MOV10: variants seen among roughly 807,000 people sequenced by gnomAD.
The protein encoded by MOV10 is RNA helicase MOV-10.
Under a neutral mutation model 108.4 loss-of-function variants are expected in MOV10, and 39 were observed. That is an observed-to-expected ratio of 0.36 (90% CI 0.28 to 0.47). The LOEUF (loss-of-function observed/expected upper bound fraction) is 0.47, where lower values mean the gene tolerates loss of function less well. MOV10 is among the 20% of genes least tolerant of loss of function. MOV10 has a pLI of 1.00. For missense variants in MOV10, 952 were observed against 1,297.6 expected (o/e 0.73, Z 4.09); for synonymous variants, 490 against 523.1 (o/e 0.94, Z 0.86).
Position 112,696,876 on chromosome 1 carries a change from T to TA in MOV10, c.2198+31dup, listed in dbSNP as rs1293553223. The TA allele has an allele frequency of 2.0e-6, 3 of 1,534,810 alleles. No individual in the cohort carries two copies. The African/African-American group carries it at 4.1e-5, about 21-fold the overall frequency. On this transcript the variant is annotated intron_variant, in intron 14 of 20. Transcript: ENST00000369645. Reference sequence around the variant, plus strand: ...TCCCATGCCCTTGCCTCCCCTGCCATATCCTATGCTTTCACATCCTGCATG... The same window carrying TA: ...TCCCATGCCCTTGCCTCCCCTGCCATAATCCTATGCTTTCACATCCTGCATG...
chr1:112,698,325 T>C lies in MOV10; in HGVS notation c.2355T>C (p.Asp785=). 6.2e-7 allele frequency: 1 copy of C among 1,614,164 alleles called. No individual in the cohort carries two copies. Among genetic ancestry groups the C allele is most frequent in the Non-Finnish European group, 8.5e-7 (1 of 1,180,012 alleles). The stretch of plus-strand genomic sequence containing the variant: ...TCTTTCACGGCGTAATGGGCAAAGA[T>C]GAGCGTGAAGGCAACAGCCCATCCT... The part of the protein sequence containing the change: ...PIIFHGVMGK[D]EREGNSPSFF... Residue 785 remains aspartate (D), a synonymous_variant, in exon 16 of 21, where the codon GAT becomes GAC. Coordinates refer to ENST00000369645, the MANE Select transcript of MOV10 (RefSeq NM_001321324.2).
chr1:112,675,463 G>T lies in MOV10; in HGVS notation c.137+414G>T, dbSNP rs1199386171. On this transcript the variant is annotated intron_variant, in intron 2 of 20. Transcript: ENST00000369645. This position sits in a 1 kb window ranked among gnomAD's most constrained non-coding sequence, Gnocchi z 4.7. ...TTAGAGGCTGCCTGTTGGGGGCTGC[G>T]AGCCCGAGCGCGGGCTTTACAGGGA... Among the ~76,000 whole-genome samples the T allele has an allele frequency of 6.6e-6, 1 of 152,234 alleles. No homozygotes were observed. Among genetic ancestry groups the T allele is most frequent in the Admixed American group, 6.5e-5 (1 of 15,290 alleles).
In MOV10 at chr1:112,694,743, T is replaced by G. The variant is rs1453725967; in HGVS notation, c.1473-6T>G. ...TTCAAGTTCACATTCCTGGTCCCTC[T>G]GCCAGGCTGTACGACCGGAGTCTGG... On this transcript the variant is annotated splice_polypyrimidine_tract_variant and splice_region_variant and intron_variant, in intron 9 of 20. Coordinates refer to ENST00000369645, the MANE Select transcript of MOV10 (RefSeq NM_001321324.2). The surrounding 1 kb of genome is among the most constrained non-coding windows in gnomAD (Gnocchi z 4.1). 6.2e-7 allele frequency: 1 copy of G among 1,613,812 alleles called. No homozygotes were observed. Among genetic ancestry groups the G allele is most frequent in the Non-Finnish European group, 8.5e-7 (1 of 1,179,786 alleles).
intron 17 of MOV10, chr1:112,699,049 G>A: frequency 2.1e-6 from 1 of 478,402 alleles, no homozygotes; most frequent in Non-Finnish European, 3.7e-6. Context: ...CTGCCCTAAG[G>A]ATAAAGTCCA....
At position 112,694,960 on chromosome 1, in the gene MOV10, C is replaced by T. The variant is rs890869947; in HGVS notation, c.1620+64C>T. On this transcript the variant is annotated intron_variant, in intron 10 of 20. Transcript: ENST00000369645. The surrounding 1 kb of genome is among the most constrained non-coding windows in gnomAD (Gnocchi z 4.1). The stretch of plus-strand genomic sequence containing the variant: ...TCCCCCAGCACCAAGCAGTTGTCCC[C>T]AGATTCTAGTTCCTTCCCACTCCCG... 1.3e-6 allele frequency: 2 copies of T among 1,534,518 alleles called. No homozygotes were observed. Among genetic ancestry groups the T allele is most frequent in the African/African-American group, 1.4e-5 (1 of 72,468 alleles).
At chr1:112,698,893 C>T in intron 17 of MOV10, 104 bp downstream of exon 17, 1 of 948,732 alleles carries the variant, frequency 1.1e-6, no homozygotes, top group Admixed American at 1.7e-5. Flanking sequence ...CCCCGTCCCA[C>T]CCCTGCTGCC....
chr1:112,698,039 A>T lies in MOV10; in HGVS notation c.2244A>T (p.Glu748Asp). The T allele has an allele frequency of 6.2e-7, 1 of 1,614,166 alleles. No homozygotes were observed. The highest frequency in any genetic ancestry group is 8.5e-7 in the Non-Finnish European group (1 of 1,180,010). The change falls in exon 15 of 21, where the codon GAA becomes GAT. Residue 748 changes from glutamate to aspartate, a missense_variant. Physicochemically the swap from Glu to Asp is conservative, Grantham distance 45. Around this residue, in one of 5 missense-constraint regions of MOV10, gnomAD observed 453 missense variants for 611.5 expected, o/e 0.74. Transcript: ENST00000369645. The part of the protein sequence containing the change: ...ILDIPNQLYY[E>D]GELQACADVV... Reference sequence around the variant, plus strand: ...ACATTCCTAACCAGCTCTATTATGAAGGGGAGCTGCAGGCCTGTGCTGATG... The same window carrying T: ...ACATTCCTAACCAGCTCTATTATGATGGGGAGCTGCAGGCCTGTGCTGATG...
At position 112,688,493 on chromosome 1, in the gene MOV10, G is replaced by T. The variant is rs912786959; in HGVS notation, c.138-442G>T. On this transcript the variant is annotated intron_variant, in intron 2 of 20. Transcript: ENST00000369645. Reference sequence around the variant, plus strand: ...TGATCCCTTCTCTCCTCACCAACAGGCTGGACCCCACATCCACCCCTCTGA... The same window carrying T: ...TGATCCCTTCTCTCCTCACCAACAGTCTGGACCCCACATCCACCCCTCTGA... 13 of 1,069,472 alleles carry T rather than the reference G, an allele frequency of 1.2e-5. No homozygotes were observed. The African/African-American group carries it at 1.7e-4, about 14-fold the overall frequency. The allele number at this position is 1,069,472 out of a possible 1,614,324, so 66.2% of individuals were successfully genotyped here.
rs1674097616 is a variant in MOV10, at chr1:112,696,459, A to G, written c.1906A>G (p.Ile636Val). 1 of 1,614,078 alleles carries G rather than the reference A, an allele frequency of 6.2e-7. No homozygotes were observed. The highest frequency in any genetic ancestry group is 8.5e-7 in the Non-Finnish European group (1 of 1,179,980). The change falls in exon 13 of 21, where the codon ATT (isoleucine) becomes GTT (valine). Residue 636 changes from isoleucine (I) to valine (V), a missense_variant. Coordinates refer to ENST00000369645, the MANE Select transcript of MOV10 (RefSeq NM_001321324.2). Reference sequence around the variant, plus strand: ...CAGGTTGGTCTCGGCCCAGTTTCCCATTGATCACTTCACACACATCTTCAT... The same window carrying G: ...CAGGTTGGTCTCGGCCCAGTTTCCCGTTGATCACTTCACACACATCTTCAT... ...AGRLVSAQFP[I>V]DHFTHIFIDE...
At position 112,700,714 on chromosome 1, in the gene MOV10, A is replaced by G; in HGVS notation, c.*207A>G. On this transcript the variant is annotated 3_prime_UTR_variant, in exon 21 of 21. Transcript: ENST00000369645. The stretch of plus-strand genomic sequence containing the variant: ...GGGAAGGGGAAGGAAGAAAACTCTG[A>G]AAACAAAATCTTGTTCTATGCAAAA... 6.6e-7 allele frequency: 1 copy of G among 1,520,904 alleles called. No homozygotes were observed. Among genetic ancestry groups the G allele is most frequent in the Non-Finnish European group, 8.8e-7 (1 of 1,141,304 alleles). The allele number at this position is 1,520,904 out of a possible 1,614,324, so 94.2% of individuals were successfully genotyped here.
chr1:112,688,962 C>A lies in MOV10; in HGVS notation c.165C>A (p.Ser55=). 2 of 1,612,480 alleles carry A rather than the reference C, an allele frequency of 1.2e-6. No individual in the cohort carries two copies. The highest frequency in any genetic ancestry group is 2.2e-5 in the South Asian group (2 of 91,006). The stretch of plus-strand genomic sequence containing the variant: ...TTGGGACCCCCGCCCCTGGCTTCTC[C>A]TCCATGCTGTATGGAATGAAGATTG... ...ISFGTPAPGF[S]SMLYGMKIAN... is the part of the protein sequence containing the mutation. Residue 55 remains serine (S), a synonymous_variant, in exon 3 of 21, where the codon TCC becomes TCA. Transcript: ENST00000369645.
intron 16 of MOV10, 46 bp downstream of exon 16, chr1:112,698,524 G>A (rs183186599): frequency 1.3e-6 from 2 of 1,583,662 alleles, no homozygotes; most frequent in African/African-American, 1.3e-5. Context: ...TCCCCCAGAT[G>A]GTACCTCCTT....
Position 112,694,606 on chromosome 1 carries a change from G to A in MOV10, c.1449G>A (p.Leu483=). The A allele has an allele frequency of 6.2e-7, 1 of 1,607,742 alleles. No individual in the cohort carries two copies. Among genetic ancestry groups the A allele is most frequent in the Non-Finnish European group, 8.5e-7 (1 of 1,176,524 alleles). ...LFPVAPRDVP[L]LPSDVKLKLY... ...CTGTGGCACCTCGGGACGTCCCGCT[G>A]CTGCCCTCAGATGTGAAACTCAAGT... The change falls in exon 9 of 21, where the codon CTG becomes CTA. Residue 483 remains leucine (L), a synonymous_variant. Transcript: ENST00000369645. The surrounding 1 kb of genome is among the most constrained non-coding windows in gnomAD (Gnocchi z 4.1).
At chr1:112,698,245 G>C (rs762829799) in intron 15 of MOV10, 42 bp from the exon 16 acceptor site, 24 of 1,604,082 alleles carry the variant, frequency 1.5e-5, no homozygotes, top group Non-Finnish European at 1.8e-5. Flanking sequence ...GGAATAGAGG[G>C]AGGGTGGTCT....
chr1:112,699,400 T>G, intron 17 of MOV10: 1 of 1,174,734 alleles, frequency 8.5e-7, no homozygotes, highest in Non-Finnish European at 1.1e-6. Context: ...TTCAGGAAAG[T>G]TTGAAAGTCA....
At chr1:112,686,353 C>T (rs958937431) in intron 2 of MOV10, among the ~76,000 whole-genome samples, 3 of 152,212 alleles carry the variant, frequency 2.0e-5, no homozygotes, top group Non-Finnish European at 4.4e-5. Flanking sequence ...GTGAAAGTTA[C>T]TGATGATCTC....
chr1:112,682,174 C>T (rs1243044517), intron 2 of MOV10, among the ~76,000 whole-genome samples: 3 of 152,144 alleles, frequency 2.0e-5, no homozygotes, highest in Non-Finnish European at 2.9e-5. Context: ...GGATTACAGG[C>T]GTGAGCCATC....
At chr1:112,687,019 G>A (rs1245118699) in intron 2 of MOV10, 2 of 456,326 alleles carry the variant, frequency 4.4e-6, no homozygotes. Flanking sequence ...GATCTGAAAT[G>A]CAAATATGAT....
In MOV10 at chr1:112,694,550, G is replaced by C; in HGVS notation, c.1393G>C (p.Gly465Arg). 6 of 1,614,106 alleles carry C rather than the reference G, an allele frequency of 3.7e-6. No individual in the cohort carries two copies. The highest frequency in any genetic ancestry group is 5.1e-6 in the Non-Finnish European group (6 of 1,179,996). Residue 465 changes from glycine to arginine, a missense_variant, in exon 9 of 21, where the codon GGG (glycine) becomes CGG (arginine). This residue lies in a region of MOV10 where 453 missense variants were observed against 611.5 expected (regional missense o/e 0.74). Coordinates refer to ENST00000369645, the MANE Select transcript of MOV10 (RefSeq NM_001321324.2). The surrounding 1 kb of genome is among the most constrained non-coding windows in gnomAD (Gnocchi z 4.1). ...CCAGCACCGTGCCCTGGAGCTGACA[G>C]GGCGCTGGCTGCTGTGGCCCATGCT... ...RVQHRALELT[G>R]RWLLWPMLFP...
Sources: gnomAD v4.1 joint callset for allele counts (sites outside exome capture counted in the v4.1 genomes callset) on GRCh38, gnomAD v4.1.1 for gene constraint, gnomAD v4.1.1 regional missense constraint, Gnocchi (gnomAD v3.1) non-coding constraint, MANE v1.5 for transcripts, NCBI Gene and HGNC (gene_info 2026-07-23, HGNC 2026-07-21) for gene names.